Variants in GORASP1 observed in about 807,000 individuals in gnomAD.
GORASP1 encodes the protein Golgi reassembly-stacking protein 1.
In GORASP1, 31 loss-of-function variants were observed where a neutral mutation model predicts 37.7. The observed-to-expected ratio is 0.82, with a 90% CI of 0.62 to 1.11. The LOEUF (loss-of-function observed/expected upper bound fraction) is 1.11, where lower values mean the gene tolerates loss of function less well. GORASP1 is among the 50% of genes least tolerant of loss of function. The pLI is 0.00. For missense variants in GORASP1, 476 were observed against 560.7 expected (o/e 0.85, Z 1.53); for synonymous variants, 204 against 224.8 (o/e 0.91, Z 0.83).
chr3:39,104,323 G>A (rs985531138), intron 1 of GORASP1, among the ~76,000 whole-genome samples: 1 of 152,074 alleles, frequency 6.6e-6, no homozygotes, highest in Non-Finnish European at 1.5e-5. Flanking sequence ...GCCCCTCCCT[G>A]AACTCCCCAC....
rs564206232 is a variant in GORASP1, at chr3:39,098,570, T to A, written c.1070-81A>T. 2.6e-6 allele frequency: 4 copies of A among 1,530,914 alleles called. No homozygotes were observed. The highest frequency in any genetic ancestry group is 1.8e-6 in the Non-Finnish European group (2 of 1,133,628). The allele number at this position is 1,530,914 out of a possible 1,614,324, so 94.8% of individuals were successfully genotyped here. On this transcript the variant is annotated intron_variant, in intron 8 of 8. Coordinates refer to ENST00000319283, the MANE Select transcript of GORASP1 (RefSeq NM_031899.4). The surrounding 1 kb of genome is among the most constrained non-coding windows in gnomAD (Gnocchi z 4.7). ...TAGGGCCAGTAACCCCACCGACCGC[T>A]CCCCATTGCCACTCCAGGTTTGATG...
In GORASP1 at chr3:39,099,385, G is replaced by A. The variant is rs770493575; in HGVS notation, c.884C>T (p.Pro295Leu). The change falls in exon 7 of 9, where the codon CCC (proline) becomes CTC (leucine). Residue 295 changes from proline to leucine, a missense_variant. By Grantham distance (98) the Pro-to-Leu change is moderately conservative. Coordinates refer to ENST00000319283, the MANE Select transcript of GORASP1 (RefSeq NM_031899.4). ...LPHFMETPLQ[P>L]PPPVQRVMDP... ...CATAACTCGCTGCACTGGAGGTGGG[G>A]GCTGAAGAGGAGTCTCCATGAAATG... 2.5e-6 allele frequency: 4 copies of A among 1,613,720 alleles called. No individual in the cohort carries two copies. Among genetic ancestry groups the A allele is most frequent in the Middle Eastern group, 1.7e-4 (1 of 6,054 alleles).
In GORASP1 at chr3:39,107,558, G is replaced by A; in HGVS notation, c.-17C>T. 1 of 1,486,102 alleles carries A rather than the reference G, an allele frequency of 6.7e-7. No individual in the cohort carries two copies. Among genetic ancestry groups the A allele is most frequent in the Non-Finnish European group, 8.9e-7 (1 of 1,128,652 alleles). 92.1% of individuals were successfully genotyped at this position (1,486,102 alleles called of 1,614,324 possible). On this transcript the variant is annotated 5_prime_UTR_variant, in exon 1 of 9. Coordinates refer to ENST00000319283, the MANE Select transcript of GORASP1 (RefSeq NM_031899.4). ...CAGGCCCATGGCAGCGGCTCCGCTC[G>A]GCACCCAGGTCCAGTCCCGCTGCGC...
rs1026381896 is a variant in GORASP1, at chr3:39,100,950, G to T, written c.435+66C>A. 8 of 1,613,504 alleles carry T rather than the reference G, an allele frequency of 5.0e-6. No individual in the cohort carries two copies. Among genetic ancestry groups the T allele is most frequent in the Non-Finnish European group, 6.8e-6 (8 of 1,179,398 alleles). ...TCAACAAAACCAGACACTTCTCATG[G>T]ACAGCACCCTTCTCTTCACACCACA... is the stretch of plus-strand genomic sequence containing the variant. On this transcript the variant is annotated intron_variant, in intron 4 of 8. Coordinates refer to ENST00000319283, the MANE Select transcript of GORASP1 (RefSeq NM_031899.4). This position sits in a 1 kb window ranked among gnomAD's most constrained non-coding sequence, Gnocchi z 4.6.
intron 3 of GORASP1, chr3:39,101,458 G>T (rs865963869): frequency 4.0e-6 from 2 of 498,136 alleles, no homozygotes; most frequent in Middle Eastern, 6.0e-4. Context: ...AGTACCTAAT[G>T]ATAGGGTTGC....
chr3:39,107,533 C>A lies in GORASP1; in HGVS notation c.9G>T (p.Leu3=). 1 of 1,509,402 alleles carries A rather than the reference C, an allele frequency of 6.6e-7. No homozygotes were observed. The highest frequency in any genetic ancestry group is 2.6e-5 in the East Asian group (1 of 38,712). 93.5% of individuals were successfully genotyped at this position (1,509,402 alleles called of 1,614,324 possible). A position where few individuals can be genotyped will look rare whatever the true frequency, so the allele number is the denominator to read the frequency against. The part of the protein sequence containing the change: MG[L]GVSAEQPAGG... Reference sequence around the variant, plus strand: ...CTGCGGGCTGCTCAGCGCTGACGCCCAGGCCCATGGCAGCGGCTCCGCTCG... The same window carrying A: ...CTGCGGGCTGCTCAGCGCTGACGCCAAGGCCCATGGCAGCGGCTCCGCTCG... The change falls in exon 1 of 9, where the codon CTG becomes CTT. Residue 3 remains leucine, a synonymous_variant. Transcript: ENST00000319283.
chr3:39,103,403 C>A lies in GORASP1; in HGVS notation c.144+70G>T. On this transcript the variant is annotated intron_variant, in intron 2 of 8. Transcript: ENST00000319283. This position sits in a 1 kb window ranked among gnomAD's most constrained non-coding sequence, Gnocchi z 5.2. ...AGGGAGGGAAGGGTAGACTGGGGCC[C>A]CCTGTGGGACAGATGAAGACACACA... 7.7e-7 allele frequency: 1 copy of A among 1,297,306 alleles called. No individual in the cohort carries two copies. The highest frequency in any genetic ancestry group is 1.1e-6 in the Non-Finnish European group (1 of 923,052). 80.4% of individuals were successfully genotyped at this position (1,297,306 alleles called of 1,614,324 possible).
chr3:39,101,760 C>G (rs1224850823), intron 3 of GORASP1, among the ~76,000 whole-genome samples: 1 of 152,180 alleles, frequency 6.6e-6, no homozygotes, highest in Admixed American at 6.5e-5. Flanking sequence ...TGGCCAGGCT[C>G]TCCCAAGAAG....
Position 39,099,410 on chromosome 3 carries a change from G to C in GORASP1, c.859C>G (p.His287Asp), listed in dbSNP as rs926785919. 1.2e-6 allele frequency: 2 copies of C among 1,613,050 alleles called. No individual in the cohort carries two copies. The highest frequency in any genetic ancestry group is 2.7e-5 in the African/African-American group (2 of 74,880). ...HSAPDPDGLPHFMETPLQPPP... is the reference protein window; with the variant it reads ...HSAPDPDGLPDFMETPLQPPP... ...GGCTGAAGAGGAGTCTCCATGAAAT[G>C]GGGAAGTCCATCAGGGTCTGGAGCA... is the stretch of plus-strand genomic sequence containing the variant. The change falls in exon 7 of 9, where the codon CAT becomes GAT. Residue 287 changes from histidine to aspartate, a missense_variant. Transcript: ENST00000319283.
At chr3:39,106,610 T>A (rs1004418013) in intron 1 of GORASP1, among the ~76,000 whole-genome samples, 2 of 152,054 alleles carry the variant, frequency 1.3e-5, no homozygotes, top group African/African-American at 2.4e-5. Flanking sequence ...TCTCCACTCA[T>A]CTCTGCATCC....
In GORASP1 at chr3:39,098,323, C is replaced by T; in HGVS notation, c.1236G>A (p.Glu412=). The T allele has an allele frequency of 1.9e-6, 3 of 1,614,222 alleles. No homozygotes were observed. Among genetic ancestry groups the T allele is most frequent in the East Asian group, 2.2e-5 (1 of 44,878 alleles). The change falls in exon 9 of 9, where the codon GAG becomes GAA. Residue 412 remains glutamate (E), a synonymous_variant. Coordinates refer to ENST00000319283, the MANE Select transcript of GORASP1 (RefSeq NM_031899.4). This position sits in a 1 kb window ranked among gnomAD's most constrained non-coding sequence, Gnocchi z 4.7. The stretch of plus-strand genomic sequence containing the variant: ...GGCCCTCTGTGCTTGCTGGTTCCTC[C>T]TCAGCCTGAGCTTCAAGCAGCTCGG... The part of the protein sequence containing the change: ...LSAELLEAQA[E]EEPASTEGLD...
chr3:39,107,365 G>T, intron 1 of GORASP1, 114 bp downstream of exon 1: 2 of 668,564 alleles, frequency 3.0e-6, no homozygotes, highest in Non-Finnish European at 2.1e-6. Context: ...CCACCCAGGC[G>T]GAAACACTCG....
At position 39,103,700 on chromosome 3, in the gene GORASP1, C is replaced by T; in HGVS notation, c.64-147G>A. 3.7e-6 allele frequency: 2 copies of T among 547,244 alleles called. No individual in the cohort carries two copies. The highest frequency in any genetic ancestry group is 6.3e-6 in the Non-Finnish European group (2 of 315,808). 33.9% of individuals were successfully genotyped at this position (547,244 alleles called of 1,614,324 possible). A position where few individuals can be genotyped will look rare whatever the true frequency, so the allele number is the denominator to read the frequency against. On this transcript the variant is annotated intron_variant, in intron 1 of 8. Transcript: ENST00000319283. The surrounding 1 kb of genome is among the most constrained non-coding windows in gnomAD (Gnocchi z 5.2). ...AACTGTTCCGGACATTCTCAGGGTT[C>T]ACTCCATGGCCTCTTGCTACCTTCC...
Position 39,103,145 on chromosome 3 carries a change from A to T in GORASP1, c.145-264T>A. The T allele has an allele frequency of 1.7e-6, 1 of 597,420 alleles. No homozygotes were observed. The highest frequency in any genetic ancestry group is 3.0e-6 in the Non-Finnish European group (1 of 335,776). 37.0% of individuals were successfully genotyped at this position (597,420 alleles called of 1,614,324 possible). The stretch of plus-strand genomic sequence containing the variant: ...ACAAAGCAAGCAAAAAGCCTCCCAG[A>T]TCCACAGCATTCCAGTGCTGCCCCA... On this transcript the variant is annotated intron_variant, in intron 2 of 8. Coordinates refer to ENST00000319283, the MANE Select transcript of GORASP1 (RefSeq NM_031899.4). This position sits in a 1 kb window ranked among gnomAD's most constrained non-coding sequence, Gnocchi z 5.2.
chr3:39,098,666 C>A lies in GORASP1; in HGVS notation c.1069+75G>T. ...AACCCGATGGCCCACTTCTGCCCAG[C>A]TGAGGAATTGAGGGCAGCCTTCCCA... is the stretch of plus-strand genomic sequence containing the variant. On this transcript the variant is annotated intron_variant, in intron 8 of 8. Transcript: ENST00000319283. This position sits in a 1 kb window ranked among gnomAD's most constrained non-coding sequence, Gnocchi z 4.7. 1.3e-6 allele frequency: 2 copies of A among 1,564,096 alleles called. No homozygotes were observed. The highest frequency in any genetic ancestry group is 3.5e-5 in the Admixed American group (2 of 57,096).
rs773435874 is a variant in GORASP1 at position 39,098,730 on chromosome 3, T to C, written c.1069+11A>G. 2 of 1,612,978 alleles carry C rather than the reference T, an allele frequency of 1.2e-6. No individual in the cohort carries two copies. The highest frequency in any genetic ancestry group is 1.3e-5 in the African/African-American group (1 of 74,880). On this transcript the variant is annotated intron_variant, in intron 8 of 8. Transcript: ENST00000319283. This position sits in a 1 kb window ranked among gnomAD's most constrained non-coding sequence, Gnocchi z 4.7. ...CTTCCCAGAGGACTTCGGAAGGTGA[T>C]GGCCACTCACCACCCCGCTCATGAG...
In GORASP1 at chr3:39,100,952, C is replaced by CA; in HGVS notation, c.435+63dup. On this transcript the variant is annotated intron_variant, in intron 4 of 8. Transcript: ENST00000319283. The surrounding 1 kb of genome is among the most constrained non-coding windows in gnomAD (Gnocchi z 4.6). ...AACAAAACCAGACACTTCTCATGGACAGCACCCTTCTCTTCACACCACATC... is the reference window on the plus strand; with the variant it reads ...AACAAAACCAGACACTTCTCATGGACAAGCACCCTTCTCTTCACACCACATC... 6.2e-7 allele frequency: 1 copy of CA among 1,613,512 alleles called. No individual in the cohort carries two copies. Among genetic ancestry groups the CA allele is most frequent in the Non-Finnish European group, 8.5e-7 (1 of 1,179,392 alleles).
rs2035788829 is a variant in GORASP1 at position 39,102,561 on chromosome 3, G to C, written c.348+117C>G. 1 of 1,007,642 alleles carries C rather than the reference G, an allele frequency of 9.9e-7. No individual in the cohort carries two copies. Among genetic ancestry groups the C allele is most frequent in the Non-Finnish European group, 1.5e-6 (1 of 666,800 alleles). 62.4% of individuals were successfully genotyped at this position (1,007,642 alleles called of 1,614,324 possible). A position where few individuals can be genotyped will look rare whatever the true frequency, so the allele number is the denominator to read the frequency against. On this transcript the variant is annotated intron_variant, in intron 3 of 8. Transcript: ENST00000319283. This position sits in a 1 kb window ranked among gnomAD's most constrained non-coding sequence, Gnocchi z 5.0. Reference sequence around the variant, plus strand: ...CTGCCCTCAGTCTTCCCTGGCCACTGCTCCAAGGCTCCCACTCCACTCCTG... The same window carrying C: ...CTGCCCTCAGTCTTCCCTGGCCACTCCTCCAAGGCTCCCACTCCACTCCTG...
chr3:39,107,375 G>C (rs1190569861), intron 1 of GORASP1, 104 bp downstream of exon 1: 1 of 742,306 alleles, frequency 1.3e-6, no homozygotes, highest in African/African-American at 1.9e-5. Flanking sequence ...GGAAACACTC[G>C]GGCCGGGACC....
Sources: allele counts gnomAD v4.1 joint callset (sites outside exome capture counted in the v4.1 genomes callset), GRCh38; gene constraint gnomAD v4.1.1; non-coding constraint Gnocchi (gnomAD v3.1); transcripts MANE v1.5; gene names NCBI Gene and HGNC (gene_info 2026-07-23, HGNC 2026-07-21).